SIPA1L1: variants seen among roughly 807,000 people sequenced by gnomAD.
SIPA1L1 encodes the protein signal induced proliferation associated 1 like 1, also known as signal-induced proliferation-associated 1-like protein 1.
In SIPA1L1, 26 loss-of-function variants were observed where a neutral mutation model predicts 162.7. That is an observed-to-expected ratio of 0.16 (90% CI 0.12 to 0.22). The LOEUF is 0.22. Among genes scored for constraint, SIPA1L1 ranks in the 10% least tolerant of loss-of-function variants. The probability of loss-of-function intolerance (pLI) is 1.00; values close to 1 mark genes in which losing one functional copy is unlikely to be tolerated. For synonymous variants in SIPA1L1, 829 were observed against 837.4 expected, an observed-to-expected ratio of 0.99 and a Z score of 0.17; for missense variants, 1,874 against 2,241.0, an observed-to-expected ratio of 0.84 and a Z score of 3.31.
At chr14:71,549,087 A>G (rs1278593493) in intron 4 of SIPA1L1, among the ~76,000 whole-genome samples, 1 of 152,114 alleles carries the variant, frequency 6.6e-6, no homozygotes, top group Non-Finnish European at 1.5e-5. Flanking sequence ...ACTTAATAAG[A>G]GTTTAAAATA....
chr14:71,433,647 A>G (rs17178234), intron 2 of SIPA1L1, among the ~76,000 whole-genome samples: 24,752 of 152,106 alleles, frequency 0.16, 2,631 homozygotes, highest in Middle Eastern at 0.35. Context: ...CATGCTGTCC[A>G]TGAGTTTTTT....
At chr14:71,490,680 T>G (rs1248043315) in intron 2 of SIPA1L1, among the ~76,000 whole-genome samples, 4 of 152,232 alleles carry the variant, frequency 2.6e-5, no homozygotes, top group Non-Finnish European at 5.9e-5. Flanking sequence ...TCCTACAAAG[T>G]GTCATACAGC....
rs2055343702 is a variant in SIPA1L1, at chr14:71,547,464, T to G, written c.-303+18094T>G. On this transcript the variant is annotated intron_variant, in intron 4 of 23. Transcript: ENST00000381232. ...GTGCACCACTACACCCGGCTAATTT[T>G]TGTATTTTTAGTAGAGACAGGGTTT... Among the ~76,000 whole-genome samples the G allele has an allele frequency of 2.0e-5, 3 of 151,924 alleles. No homozygotes were observed. The South Asian group carries it at 6.2e-4, about 32-fold the overall frequency.
intron 6 of SIPA1L1, among the ~76,000 whole-genome samples, chr14:71,621,520 G>A (rs544163247): frequency 2.0e-5 from 3 of 152,204 alleles, no homozygotes; most frequent in Non-Finnish European, 2.9e-5. Flanking sequence ...TCTCCATTTG[G>A]CCTTTACTCA....
At chr14:71,697,934 C>CAA (rs71929698) in intron 13 of SIPA1L1, among the ~76,000 whole-genome samples, 78 of 150,004 alleles carry the variant, frequency 5.2e-4, no homozygotes, top group South Asian at 1.9e-3. Flanking sequence ...ATTAAAAAAA[C>CAA]AAAAAAAAAA....
Position 71,671,339 on chromosome 14 carries a change from A to G in SIPA1L1, c.2476A>G (p.Ile826Val), listed in dbSNP as rs144603449. ...LAEKNVTNTP[I>V]DPSGKFPFIS... ...AGAAAAGAATGTCACCAACACCCCT[A>G]TCGACCCTTCTGGCAAGTTTCCGTT... The change falls in exon 11 of 24, where the codon ATC becomes GTC. Residue 826 changes from isoleucine to valine, a missense_variant. Around this residue, in one of 5 missense-constraint regions of SIPA1L1, gnomAD observed 243 missense variants for 315.0 expected, o/e 0.77. Coordinates refer to ENST00000381232, the MANE Select transcript of SIPA1L1 (RefSeq NM_001386936.1). 5.2e-5 allele frequency: 84 copies of G among 1,614,094 alleles called. No homozygotes were observed. Among genetic ancestry groups the G allele is most frequent in the Non-Finnish European group, 6.6e-5 (78 of 1,180,052 alleles).
intron 5 of SIPA1L1, among the ~76,000 whole-genome samples, chr14:71,617,625 AT>A (rs1354170089): frequency 6.6e-6 from 1 of 152,158 alleles, no homozygotes; most frequent in Admixed American, 6.5e-5. Context: ...AAACTACATG[AT>A]TCGATATTTA....
chr14:71,635,759 C>A (rs1193976678), intron 7 of SIPA1L1, among the ~76,000 whole-genome samples: 5 of 152,000 alleles, frequency 3.3e-5, no homozygotes, highest in Non-Finnish European at 7.4e-5. Context: ...AGCAAAAGAT[C>A]TAAATATACC....
chr14:71,629,295 A>G (rs1160163624), intron 7 of SIPA1L1, among the ~76,000 whole-genome samples: 1 of 152,204 alleles, frequency 6.6e-6, no homozygotes, highest in African/African-American at 2.4e-5. Flanking sequence ...AACAGTTTCC[A>G]TGAATTATTT....
intron 2 of SIPA1L1, among the ~76,000 whole-genome samples, chr14:71,393,284 T>C (rs2040913338): frequency 1.3e-5 from 2 of 152,188 alleles, no homozygotes; most frequent in Admixed American, 6.5e-5. Flanking sequence ...AAGGGTAAAA[T>C]GAGGCTAAGG....
At chr14:71,544,067 A>G (rs2054831479) in intron 4 of SIPA1L1, among the ~76,000 whole-genome samples, 1 of 148,738 alleles carries the variant, frequency 6.7e-6, no homozygotes. Context: ...ATGTATATAC[A>G]CACGCACGCA....
At chr14:71,584,251 G>C (rs1420641882) in intron 4 of SIPA1L1, among the ~76,000 whole-genome samples, 1 of 152,168 alleles carries the variant, frequency 6.6e-6, no homozygotes, top group Admixed American at 6.5e-5. Flanking sequence ...GGGTTCAGGA[G>C]TACAGATGCT....
At chr14:71,378,008 G>A (rs2039569413) in intron 2 of SIPA1L1, among the ~76,000 whole-genome samples, 1 of 152,134 alleles carries the variant, frequency 6.6e-6, no homozygotes, top group South Asian at 2.1e-4. Context: ...GTGGAAAGAA[G>A]GAGAGGGAGA....
Position 71,709,467 on chromosome 14 carries a change from A to G in SIPA1L1, c.4011A>G (p.Lys1337=). 6.2e-7 allele frequency: 1 copy of G among 1,614,206 alleles called. No homozygotes were observed. The highest frequency in any genetic ancestry group is 8.5e-7 in the Non-Finnish European group (1 of 1,180,034). Residue 1337 remains lysine (K), a synonymous_variant, in exon 17 of 24, where the codon AAA becomes AAG. Coordinates refer to ENST00000381232, the MANE Select transcript of SIPA1L1 (RefSeq NM_001386936.1). ...SSPRSGPGKE[K]VAPLWHSSSE... ...CTCGCTCAGGGCCAGGCAAGGAGAAAGTGGCACCCCTATGGCACAGCTCCA... is the reference window on the plus strand; with the variant it reads ...CTCGCTCAGGGCCAGGCAAGGAGAAGGTGGCACCCCTATGGCACAGCTCCA...
At chr14:71,407,161 C>G (rs1167948917) in intron 2 of SIPA1L1, among the ~76,000 whole-genome samples, 16 of 152,074 alleles carry the variant, frequency 1.1e-4, no homozygotes, top group Non-Finnish European at 4.4e-5. Flanking sequence ...TAGAATTGCT[C>G]AAATCTGGGA....
chr14:71,502,568 G>C (rs1329126164), intron 2 of SIPA1L1, among the ~76,000 whole-genome samples: 1 of 151,918 alleles, frequency 6.6e-6, no homozygotes, highest in African/African-American at 2.4e-5. Flanking sequence ...TATTTTAAAA[G>C]CCCAGAAACA....
At chr14:71,718,455 CG>C (rs35113368) in intron 17 of SIPA1L1, among the ~76,000 whole-genome samples, 5 of 152,144 alleles carry the variant, frequency 3.3e-5, no homozygotes, top group Non-Finnish European at 4.4e-5. Context: ...AACCAAGGAT[CG>C]GGGTTGATCT....
chr14:71,414,022 G>A (rs17767523), intron 2 of SIPA1L1: 1 of 152,076 alleles, frequency 6.6e-6, no homozygotes, highest in Non-Finnish European at 1.5e-5. Context: ...AAGGTGAGTT[G>A]GTGGATTAGT....
intron 4 of SIPA1L1, among the ~76,000 whole-genome samples, chr14:71,563,202 T>G (rs1375018892): frequency 6.6e-6 from 1 of 152,242 alleles, no homozygotes; most frequent in African/African-American, 2.4e-5. Context: ...TTGATTTTAT[T>G]TATTACTACT....
Sources: gnomAD v4.1 joint callset for allele counts (sites outside exome capture counted in the v4.1 genomes callset) on GRCh38, gnomAD v4.1.1 for gene constraint, gnomAD v4.1.1 regional missense constraint, MANE v1.5 for transcripts, NCBI Gene and HGNC (gene_info 2026-07-23, HGNC 2026-07-21) for gene names.